WDR20: variants seen among roughly 807,000 people sequenced by gnomAD.
The protein encoded by WDR20 is WD repeat domain 20, also known as WD repeat-containing protein 20.
WDR20 carries 3 observed loss-of-function variants against 38.7 expected under a neutral mutation model. The observed-to-expected ratio is 0.08, with a 90% CI of 0.04 to 0.20. The LOEUF (loss-of-function observed/expected upper bound fraction) is 0.20. WDR20 is among the 10% of genes least tolerant of loss of function. The pLI, the probability that WDR20 is intolerant of heterozygous loss-of-function variation, is 1.00. For missense variants in WDR20, 559 were observed against 727.7 expected (o/e 0.77, Z 2.67); for synonymous variants, 298 against 285.6 (o/e 1.04, Z -0.44).
At chr14:102,165,636 CTTTT>C (rs398026421) in intron 1 of WDR20, among the ~76,000 whole-genome samples, 102 of 129,354 alleles carry the variant, frequency 7.9e-4, no homozygotes, top group Non-Finnish European at 1.5e-3. Context: ...CTTTTCTTTT[CTTTT>C]TTTTTTTTTT....
chr14:102,204,968 T>G (rs2061253377), intron 2 of WDR20, among the ~76,000 whole-genome samples: 1 of 152,222 alleles, frequency 6.6e-6, no homozygotes, highest in Non-Finnish European at 1.5e-5. Context: ...ACTTGGAGGC[T>G]GGGCATGGTG....
In WDR20 at chr14:102,222,675, G is replaced by A. The variant is rs2064048014; in HGVS notation, c.1693-155G>A. Among the ~76,000 whole-genome samples the A allele has an allele frequency of 6.6e-6, 1 of 152,220 alleles. No homozygotes were observed. The highest frequency in any genetic ancestry group is 2.1e-4 in the South Asian group (1 of 4,828). ...GAATGGAACGCAGTGATCTGGATAGGAATTAAATAGATGAAGTGGAGGGTT... is the reference window on the plus strand; with the variant it reads ...GAATGGAACGCAGTGATCTGGATAGAAATTAAATAGATGAAGTGGAGGGTT... On this transcript the variant is annotated intron_variant, in intron 3 of 3. Transcript: ENST00000335263. This position sits in a 1 kb window ranked among gnomAD's most constrained non-coding sequence, Gnocchi z 4.4.
rs1007892293 is a variant in WDR20 at position 102,190,213 on chromosome 14, G to A, written c.250-4725G>A. Among the ~76,000 whole-genome samples the A allele has an allele frequency of 5.9e-5, 9 of 152,302 alleles. No homozygotes were observed. The Middle Eastern group carries it at 0.01, about 173-fold the overall frequency. ...TAGTACCAGCTTTGAGGGGTGACTA[G>A]GATTGGATTGGATGATGATTGTAAA... On this transcript the variant is annotated intron_variant, in intron 1 of 2. Coordinates refer to ENST00000342702, the MANE Select transcript of WDR20 (RefSeq NM_144574.4).
chr14:102,192,439 A>G (rs1253921586), intron 1 of WDR20, among the ~76,000 whole-genome samples: 1 of 152,168 alleles, frequency 6.6e-6, no homozygotes, highest in Admixed American at 6.5e-5. Flanking sequence ...TCAGCCTCCC[A>G]AAGTGCTGGG....
chr14:102,218,882 C>T (rs1031699629), downstream of WDR20, among the ~76,000 whole-genome samples: 1 of 152,242 alleles, frequency 6.6e-6, no homozygotes, highest in Admixed American at 6.5e-5. Flanking sequence ...AGCTCCCGCA[C>T]GCTGCTGAGC....
chr14:102,210,698 C>A (rs2062372690), downstream of WDR20, among the ~76,000 whole-genome samples: 1 of 151,870 alleles, frequency 6.6e-6, no homozygotes, highest in African/African-American at 2.4e-5. Flanking sequence ...TGTGTGTTTT[C>A]CCAACAAGGG....
chr14:102,190,121 G>C (rs1049376125), intron 1 of WDR20, among the ~76,000 whole-genome samples: 3 of 151,568 alleles, frequency 2.0e-5, no homozygotes, highest in African/African-American at 7.3e-5. Context: ...GTGTAGAGCT[G>C]ATAAGAGCAC....
At position 102,209,931 on chromosome 14, in the gene WDR20, T is replaced by G; in HGVS notation, c.*51T>G. 6.5e-7 allele frequency: 1 copy of G among 1,527,070 alleles called. No homozygotes were observed. The highest frequency in any genetic ancestry group is 8.7e-7 in the Non-Finnish European group (1 of 1,143,266). 94.6% of individuals were successfully genotyped at this position (1,527,070 alleles called of 1,614,324 possible). On this transcript the variant is annotated 3_prime_UTR_variant, in exon 3 of 3. Coordinates refer to ENST00000342702, the MANE Select transcript of WDR20 (RefSeq NM_144574.4). This position sits in a 1 kb window ranked among gnomAD's most constrained non-coding sequence, Gnocchi z 6.0. ...TAGGTAGTGACTTTTTTCTTTTTCG[T>G]GGGAGGGGTGGGGTGTACAATGAAT...
intron 1 of WDR20, among the ~76,000 whole-genome samples, chr14:102,162,038 G>C (rs2152778739): frequency 6.6e-6 from 1 of 152,280 alleles, no homozygotes; most frequent in Middle Eastern, 3.4e-3. Context: ...CAACTTGATT[G>C]CTCTGGAGAC....
At chr14:102,212,126 TC>T (rs2062619471), downstream of WDR20, among the ~76,000 whole-genome samples, 5 of 152,192 alleles carry the variant, frequency 3.3e-5, no homozygotes, top group Admixed American at 3.3e-4. Flanking sequence ...AGGTTATGTT[TC>T]CTTTGAAAAC....
intron 1 of WDR20, among the ~76,000 whole-genome samples, chr14:102,176,757 G>A (rs1418248213): frequency 2.0e-5 from 3 of 150,682 alleles, no homozygotes; most frequent in Non-Finnish European, 4.4e-5. Context: ...TTTTTGAAAC[G>A]GAGTCTTGCT....
Position 102,209,298 on chromosome 14 carries a change from A to G in WDR20, c.1128A>G (p.Thr376=), listed in dbSNP as rs1377256163. ...TYRFGSVGQD[T]QLCLWDLTED... is the part of the protein sequence containing the mutation. ...GGTTTGGTTCCGTGGGCCAGGACAC[A>G]CAGCTCTGTTTATGGGACCTTACAG... Residue 376 remains threonine, a synonymous_variant, in exon 3 of 3, where the codon ACA becomes ACG. Coordinates refer to ENST00000342702, the MANE Select transcript of WDR20 (RefSeq NM_144574.4). The surrounding 1 kb of genome is among the most constrained non-coding windows in gnomAD (Gnocchi z 6.0). 2 of 1,614,216 alleles carry G rather than the reference A, an allele frequency of 1.2e-6. No individual in the cohort carries two copies. Among genetic ancestry groups the G allele is most frequent in the Admixed American group, 3.3e-5 (2 of 60,032 alleles).
downstream of WDR20, among the ~76,000 whole-genome samples, chr14:102,217,683 T>C (rs1160180703): frequency 6.6e-6 from 1 of 152,234 alleles, no homozygotes; most frequent in Non-Finnish European, 1.5e-5. Context: ...GTGCCGTGAA[T>C]AAACCATGGC....
intron 1 of WDR20, among the ~76,000 whole-genome samples, chr14:102,154,538 A>G (rs905155953): frequency 1.3e-5 from 2 of 152,214 alleles, no homozygotes; most frequent in Non-Finnish European, 2.9e-5. Context: ...AGGGGACACA[A>G]ACATTCAGAC....
At chr14:102,145,442 A>G (rs554468410) in intron 1 of WDR20, among the ~76,000 whole-genome samples, 2 of 152,354 alleles carry the variant, frequency 1.3e-5, no homozygotes, top group South Asian at 4.1e-4. Flanking sequence ...GTCACCTACA[A>G]GATCCATGTA....
chr14:102,194,053 C>T lies in WDR20; in HGVS notation c.250-885C>T, dbSNP rs144556926. Among the ~76,000 whole-genome samples, 222 of 152,330 alleles carry T rather than the reference C, an allele frequency of 1.5e-3. 2 individuals are homozygous for T. The highest frequency in any genetic ancestry group is 5.1e-3 in the African/African-American group (211 of 41,558). On this transcript the variant is annotated intron_variant, in intron 1 of 2. Coordinates refer to ENST00000342702, the MANE Select transcript of WDR20 (RefSeq NM_144574.4). ...TCATTTGCTTTTGACTCTCTCTCCC[C>T]ATCCCCTTAATGGTCAAACAGACCT...
chr14:102,193,330 T>G lies in WDR20; in HGVS notation c.250-1608T>G, dbSNP rs8003556. ...GAGCTGCCTTCAGCCTGCCTTGCTGTACAGCGGCCGCTCCCCTCCACTGGC... is the reference window on the plus strand; with the variant it reads ...GAGCTGCCTTCAGCCTGCCTTGCTGGACAGCGGCCGCTCCCCTCCACTGGC... On this transcript the variant is annotated intron_variant, in intron 1 of 2. Transcript: ENST00000342702. 1.2e-5 allele frequency: 10 copies of G among 832,032 alleles called. No individual in the cohort carries two copies. The South Asian group carries it at 1.6e-4, about 14-fold the overall frequency. The allele number at this position is 832,032 out of a possible 1,614,324, so 51.5% of individuals were successfully genotyped here. A position where few individuals can be genotyped will look rare whatever the true frequency, so the allele number is the denominator to read the frequency against.
At chr14:102,224,810 A>G (rs563885462), downstream of WDR20, 2 of 456,060 alleles carry the variant, frequency 4.4e-6, no homozygotes, top group Admixed American at 4.7e-5. Flanking sequence ...AAGAGAAATA[A>G]TAAAAGACAC....
At chr14:102,193,053 CTTAA>C (rs540161145) in intron 1 of WDR20, among the ~76,000 whole-genome samples, 1 of 149,940 alleles carries the variant, frequency 6.7e-6, no homozygotes, top group Non-Finnish European at 1.5e-5. Flanking sequence ...TTATGTATAA[CTTAA>C]TTGTTCGTAT....
Sources: allele counts gnomAD v4.1 joint callset (sites outside exome capture counted in the v4.1 genomes callset), GRCh38; gene constraint gnomAD v4.1.1; non-coding constraint Gnocchi (gnomAD v3.1); transcripts MANE v1.5; gene names NCBI Gene and HGNC (gene_info 2026-07-23, HGNC 2026-07-21).